Variants in NR2F1-AS1 observed in about 807,000 individuals in gnomAD.
The protein encoded by NR2F1-AS1 is NR2F1 antisense RNA 1.
chr5:93,522,088 T>C (rs1238749816), intron 4 of NR2F1-AS1, among the ~76,000 whole-genome samples: 2 of 152,210 alleles, frequency 1.3e-5, no homozygotes, highest in African/African-American at 4.8e-5. Context: ...GTTATGATCC[T>C]TAGCAAACGA....
chr5:93,584,499 T>A (rs1366775754), upstream of NR2F1-AS1: 4 of 148,224 alleles, frequency 2.7e-5, no homozygotes, highest in South Asian at 6.3e-4. Context: ...GCGCGCGCCG[T>A]GGCCCATGCC....
intron 4 of NR2F1-AS1, among the ~76,000 whole-genome samples, chr5:93,500,007 G>A (rs189974659): frequency 9.9e-5 from 15 of 152,260 alleles, no homozygotes; most frequent in African/African-American, 3.4e-4. Flanking sequence ...AGCAGAGGTT[G>A]GTTCACGAGG....
At chr5:93,474,203 G>C (rs2063522962) in intron 4 of NR2F1-AS1, among the ~76,000 whole-genome samples, 1 of 152,032 alleles carries the variant, frequency 6.6e-6, no homozygotes, top group Admixed American at 6.6e-5. Context: ...TACTGTACAA[G>C]ATTTGTTAAG....
At chr5:93,447,157 A>T (rs1429224672) in intron 4 of NR2F1-AS1, among the ~76,000 whole-genome samples, 1 of 152,152 alleles carries the variant, frequency 6.6e-6, no homozygotes, top group Non-Finnish European at 1.5e-5. Flanking sequence ...GGACTTCATG[A>T]CTAAAACACC....
At chr5:93,474,809 A>C (rs563161250) in intron 4 of NR2F1-AS1, among the ~76,000 whole-genome samples, 1 of 152,340 alleles carries the variant, frequency 6.6e-6, no homozygotes, top group African/African-American at 2.4e-5. Context: ...TGGGGAGAAC[A>C]TAGACATTCA....
chr5:93,427,295 C>T (rs1334535678), intron 4 of NR2F1-AS1, among the ~76,000 whole-genome samples: 1 of 152,136 alleles, frequency 6.6e-6, no homozygotes, highest in Non-Finnish European at 1.5e-5. Context: ...CACTTATATC[C>T]TGTTTCAAAG....
At chr5:93,450,331 A>G (rs1749799789) in intron 4 of NR2F1-AS1, among the ~76,000 whole-genome samples, 1 of 152,270 alleles carries the variant, frequency 6.6e-6, no homozygotes, top group Non-Finnish European at 1.5e-5. Flanking sequence ...AGTTTATTTT[A>G]TAAGAGTTTA....
intron 1 of NR2F1-AS1, among the ~76,000 whole-genome samples, chr5:93,577,251 G>A (rs565703491): frequency 6.6e-6 from 1 of 152,356 alleles, no homozygotes; most frequent in South Asian, 2.1e-4. Flanking sequence ...TAAATGACCG[G>A]TTTGAGATAG....
At chr5:93,448,695 C>CA (rs1469760062) in intron 4 of NR2F1-AS1, among the ~76,000 whole-genome samples, 1 of 152,170 alleles carries the variant, frequency 6.6e-6, no homozygotes, top group Non-Finnish European at 1.5e-5. Context: ...AGCTCAAGTC[C>CA]AAAGGCATGA....
intron 4 of NR2F1-AS1, among the ~76,000 whole-genome samples, chr5:93,464,531 T>C (rs1359502026): frequency 6.6e-6 from 1 of 152,202 alleles, no homozygotes; most frequent in African/African-American, 2.4e-5. Context: ...TATTTTAAAA[T>C]CATGTGATTA....
intron 2 of NR2F1-AS1, among the ~76,000 whole-genome samples, chr5:93,556,836 T>C (rs894073470): frequency 6.6e-6 from 1 of 152,132 alleles, no homozygotes; most frequent in Non-Finnish European, 1.5e-5. Flanking sequence ...TGAGAGACAA[T>C]AGATTTCTGT....
At chr5:93,492,926 C>G (rs1269523189) in intron 4 of NR2F1-AS1, among the ~76,000 whole-genome samples, 1 of 151,280 alleles carries the variant, frequency 6.6e-6, no homozygotes, top group Non-Finnish European at 1.5e-5. Flanking sequence ...AAACCCATAG[C>G]TAACATTATG....
intron 1 of NR2F1-AS1, among the ~76,000 whole-genome samples, chr5:93,563,763 C>A (rs1016200791): frequency 1.3e-5 from 2 of 151,990 alleles, no homozygotes; most frequent in African/African-American, 4.8e-5. Flanking sequence ...GATAATTTGA[C>A]CTAAAATACA....
At chr5:93,575,343 G>A (rs1257177340) in intron 1 of NR2F1-AS1, among the ~76,000 whole-genome samples, 1 of 152,218 alleles carries the variant, frequency 6.6e-6, no homozygotes, top group Non-Finnish European at 1.5e-5. Flanking sequence ...CTATAACAAT[G>A]CCTGGAAGAC....
At chr5:93,429,926 T>C (rs1490868921) in intron 4 of NR2F1-AS1, among the ~76,000 whole-genome samples, 5 of 152,206 alleles carry the variant, frequency 3.3e-5, no homozygotes, top group Non-Finnish European at 5.9e-5. Context: ...CTGTACACAA[T>C]GATGAATATA....
chr5:93,539,627 G>A (rs1751908735), intron 4 of NR2F1-AS1, among the ~76,000 whole-genome samples: 1 of 152,128 alleles, frequency 6.6e-6, no homozygotes, highest in African/African-American at 2.4e-5. Flanking sequence ...AATGGAGGAT[G>A]GGAAGAGGTT....
At chr5:93,557,041 T>A (rs1360253453) in intron 2 of NR2F1-AS1, among the ~76,000 whole-genome samples, 2 of 152,226 alleles carry the variant, frequency 1.3e-5, no homozygotes, top group African/African-American at 4.8e-5. Context: ...GCTAAGCCAA[T>A]CTAGTGCCAA....
chr5:93,490,308 T>A (rs1188505125), intron 4 of NR2F1-AS1, among the ~76,000 whole-genome samples: 1 of 152,244 alleles, frequency 6.6e-6, no homozygotes, highest in Non-Finnish European at 1.5e-5. Flanking sequence ...AGAAGTTCAG[T>A]AAATAAATAT....
chr5:93,571,666 A>G (rs1369109017), intron 1 of NR2F1-AS1, among the ~76,000 whole-genome samples: 1 of 151,918 alleles, frequency 6.6e-6, no homozygotes, highest in Non-Finnish European at 1.5e-5. Flanking sequence ...CAGCCTAAAC[A>G]CCTGCTATCT....
Sources: allele counts gnomAD v4.1 joint callset (sites outside exome capture counted in the v4.1 genomes callset), GRCh38; gene constraint gnomAD v4.1.1; transcripts MANE v1.5; gene names NCBI Gene and HGNC (gene_info 2026-07-23, HGNC 2026-07-21).